Variants in PTPRA observed in about 807,000 individuals in gnomAD.
PTPRA encodes the protein protein tyrosine phosphatase receptor type A.
In PTPRA, 25 loss-of-function variants were observed where a neutral mutation model predicts 104.8. The observed-to-expected ratio is 0.24, with a 90% confidence interval of 0.17 to 0.33. The LOEUF is 0.33. Ranked by LOEUF, PTPRA falls within the 10% of genes least tolerant of loss-of-function variation. PTPRA has a pLI of 1.00. For missense variants in PTPRA, 765 were observed against 1,015.3 expected (o/e 0.75, Z 3.35); for synonymous variants, 323 against 368.9 (o/e 0.88, Z 1.43).
rs960038634 is a variant in PTPRA at position 2,886,616 on chromosome 20, G to T, written c.-129+12856G>T. 2.6e-5 allele frequency among the ~76,000 whole-genome samples: 4 copies of T among 151,706 alleles called. No homozygotes were observed. In the South Asian group the frequency reaches 8.3e-4, roughly 32 times the overall value. ...TCCCAGCACTTTGGGAGGCCGAGGC[G>T]GGCGGATCACCTGAGGTTGGGAGTT... On this transcript the variant is annotated intron_variant, in intron 1 of 23. Coordinates refer to ENST00000399903, the MANE Select transcript of PTPRA (RefSeq NM_001385305.1).
At chr20:2,940,059 G>A (rs1233913006) in intron 2 of PTPRA, among the ~76,000 whole-genome samples, 1 of 152,250 alleles carries the variant, frequency 6.6e-6, no homozygotes, top group African/African-American at 2.4e-5. Context: ...GCAGTGAGCT[G>A]AGATCGCGCC....
At chr20:2,880,477 G>T (rs888880713) in intron 1 of PTPRA, among the ~76,000 whole-genome samples, 2 of 152,140 alleles carry the variant, frequency 1.3e-5, no homozygotes, top group East Asian at 1.9e-4. Flanking sequence ...ATATTAACCA[G>T]TTCTCATTGA....
intron 2 of PTPRA, among the ~76,000 whole-genome samples, chr20:2,936,739 C>T (rs2060717534): frequency 6.6e-6 from 1 of 152,176 alleles, no homozygotes; most frequent in African/African-American, 2.4e-5. Flanking sequence ...TCCCAAAGTG[C>T]TGGGATTACA....
intron 1 of PTPRA, among the ~76,000 whole-genome samples, chr20:2,877,368 T>C: frequency 6.6e-6 from 1 of 152,210 alleles, no homozygotes; most frequent in East Asian, 1.9e-4. Flanking sequence ...CAAGCGATTC[T>C]CCTGCCTCAG....
intron 9 of PTPRA, among the ~76,000 whole-genome samples, chr20:2,990,882 T>C (rs1172224112): frequency 1.3e-5 from 2 of 152,166 alleles, no homozygotes; most frequent in African/African-American, 2.4e-5. Flanking sequence ...TGGTGAGTGA[T>C]GTCAGATTTG....
At chr20:2,924,715 T>C (rs1442425327) in intron 2 of PTPRA, among the ~76,000 whole-genome samples, 3 of 152,146 alleles carry the variant, frequency 2.0e-5, no homozygotes, top group Non-Finnish European at 2.9e-5. Context: ...TGAGTCTTGC[T>C]ATGTCACCAG....
At chr20:2,932,850 G>A (rs2060557729) in intron 2 of PTPRA, among the ~76,000 whole-genome samples, 1 of 152,078 alleles carries the variant, frequency 6.6e-6, no homozygotes, top group African/African-American at 2.4e-5. Context: ...GTAGGCTGGG[G>A]GTGTACTTTT....
chr20:2,988,074 C>G lies in PTPRA; in HGVS notation c.570C>G (p.Phe190Leu), dbSNP rs1376756309. 4 of 1,591,320 alleles carry G rather than the reference C, an allele frequency of 2.5e-6. No individual in the cohort carries two copies. ...YKQAGSHSNS[F>L]RLSNGRTEDV... The stretch of plus-strand genomic sequence containing the variant: ...AAGCTGGGAGCCATTCCAATTCTTT[C>G]CGCTTATCCAACGGCCGCACTGAGG... Residue 190 changes from phenylalanine (F) to leucine (L), a missense_variant, in exon 8 of 24, where the codon TTC becomes TTG. By Grantham distance (22) the Phe-to-Leu change is conservative. Around this residue, in one of 4 missense-constraint regions of PTPRA, gnomAD observed 256 missense variants for 248.9 expected, o/e 1.03. Transcript: ENST00000399903.
intron 17 of PTPRA, among the ~76,000 whole-genome samples, chr20:3,024,860 C>T (rs1020716907): frequency 6.6e-6 from 1 of 150,990 alleles, no homozygotes; most frequent in South Asian, 2.1e-4. Context: ...CCTAGCCCTC[C>T]GAGGTGATTA....
intron 9 of PTPRA, among the ~76,000 whole-genome samples, chr20:3,001,951 A>G (rs2063647520): frequency 6.6e-6 from 1 of 152,140 alleles, no homozygotes; most frequent in African/African-American, 2.4e-5. Context: ...CCTGGGCAAC[A>G]TAGCAAGATC....
At chr20:2,909,372 C>CGGG (rs2059540805) in intron 1 of PTPRA, among the ~76,000 whole-genome samples, 5 of 151,954 alleles carry the variant, frequency 3.3e-5, no homozygotes, top group Non-Finnish European at 7.4e-5. Flanking sequence ...AGGCTGAGGT[C>CGGG]AGGAGTTTGA....
intron 9 of PTPRA, among the ~76,000 whole-genome samples, chr20:2,993,999 C>T (rs1400918292): frequency 6.6e-6 from 1 of 152,198 alleles, no homozygotes; most frequent in South Asian, 2.1e-4. Flanking sequence ...GAAGCCACCT[C>T]AGGCCAAAAT....
chr20:2,917,433 C>T (rs1316399439), intron 1 of PTPRA, among the ~76,000 whole-genome samples: 1 of 152,016 alleles, frequency 6.6e-6, no homozygotes, highest in Non-Finnish European at 1.5e-5. Flanking sequence ...CTCCTATTTC[C>T]TGTCTCCTTT....
intron 13 of PTPRA, among the ~76,000 whole-genome samples, chr20:3,020,448 T>C: frequency 6.6e-6 from 1 of 152,170 alleles, no homozygotes; most frequent in Non-Finnish European, 1.5e-5. Context: ...TTTCCCTGGT[T>C]TTCTGCCCCA....
chr20:2,873,485 C>G lies in PTPRA; in HGVS notation c.-404C>G, dbSNP rs1051082213. On this transcript the variant is annotated 5_prime_UTR_variant, in exon 1 of 24. Coordinates refer to ENST00000399903, the MANE Select transcript of PTPRA (RefSeq NM_001385305.1). This position sits in a 1 kb window ranked among gnomAD's most constrained non-coding sequence, Gnocchi z 4.4. ...ACGCGTCTTACAGCCAAGGCCGGGT[C>G]GGGAGCGAGGCTGCGGCGAGTGCGG... 3.9e-5 allele frequency: 6 copies of G among 152,076 alleles called. No individual in the cohort carries two copies. Among genetic ancestry groups the G allele is most frequent in the African/African-American group, 1.4e-4 (6 of 41,446 alleles). 9.4% of individuals were successfully genotyped at this position (152,076 alleles called of 1,614,324 possible).
Position 3,007,354 on chromosome 20 carries a change from T to C in PTPRA, c.840T>C (p.Ser280=). The change falls in exon 11 of 24, where the codon TCT becomes TCC. Residue 280 remains serine (S), a synonymous_variant. Transcript: ENST00000399903. ...RYVNILPYDH[S]RVHLTPVEGV... is the part of the protein sequence containing the mutation. The stretch of plus-strand genomic sequence containing the variant: ...TGGTTTGTTTCCTAGATGACCACTC[T>C]AGAGTCCACCTGACACCGGTTGAAG... 1 of 1,613,910 alleles carries C rather than the reference T, an allele frequency of 6.2e-7. No individual in the cohort carries two copies. The highest frequency in any genetic ancestry group is 1.3e-5 in the African/African-American group (1 of 75,058).
At chr20:2,998,782 G>A (rs1430543944) in intron 9 of PTPRA, among the ~76,000 whole-genome samples, 1 of 151,948 alleles carries the variant, frequency 6.6e-6, no homozygotes, top group Admixed American at 6.6e-5. Flanking sequence ...GAAAAGAAAG[G>A]TATAAGGATT....
At chr20:2,967,277 TAGG>T (rs1433321863) in intron 5 of PTPRA, among the ~76,000 whole-genome samples, 1 of 152,176 alleles carries the variant, frequency 6.6e-6, no homozygotes, top group African/African-American at 2.4e-5. Flanking sequence ...GTTCACGTCA[TAGG>T]AGGCTGAGAC....
At chr20:2,903,815 A>G (rs948485571) in intron 1 of PTPRA, among the ~76,000 whole-genome samples, 5 of 152,180 alleles carry the variant, frequency 3.3e-5, no homozygotes, top group Non-Finnish European at 2.9e-5. Context: ...TTAGGTTTAT[A>G]AGAGATGGCA....
Sources: allele counts gnomAD v4.1 joint callset (sites outside exome capture counted in the v4.1 genomes callset), GRCh38; gene constraint gnomAD v4.1.1; regional missense constraint gnomAD v4.1.1; non-coding constraint Gnocchi (gnomAD v3.1); transcripts MANE v1.5; gene names NCBI Gene and HGNC (gene_info 2026-07-23, HGNC 2026-07-21).